The following LIN28B variants were observed in gnomAD, a reference collection of about 807,000 sequenced individuals.
The protein encoded by LIN28B is lin-28 RNA binding posttranscriptional regulator B.
In LIN28B, 5 loss-of-function variants were observed where a neutral mutation model predicts 21.9. That is an observed-to-expected ratio of 0.23 (90% CI 0.12 to 0.48). The LOEUF is 0.48. LIN28B is among the 20% of genes least tolerant of loss of function. The pLI is 0.98. For synonymous variants in LIN28B, 109 were observed against 111.3 expected, an observed-to-expected ratio of 0.98 and a Z score of 0.13; for missense variants, 245 against 310.5, an observed-to-expected ratio of 0.79 and a Z score of 1.58.
intron 2 of LIN28B, among the ~76,000 whole-genome samples, chr6:104,992,930 A>G (rs1770525945): frequency 6.6e-6 from 1 of 152,066 alleles, no homozygotes; most frequent in Non-Finnish European, 1.5e-5. Context: ...ATTTCAGACA[A>G]CTTTGAATTA....
intron 2 of LIN28B, among the ~76,000 whole-genome samples, chr6:105,013,499 A>G (rs191587896): frequency 1.6e-3 from 240 of 151,934 alleles, no homozygotes; most frequent in South Asian, 3.1e-3. Context: ...GCACTTTGGG[A>G]GGTTGAGGCA....
chr6:105,026,135 A>G (rs1771283306), intron 2 of LIN28B, among the ~76,000 whole-genome samples, 163 bp from the exon 3 acceptor site: 1 of 152,188 alleles, frequency 6.6e-6, no homozygotes, highest in African/African-American at 2.4e-5. Context: ...CAGTATTGCA[A>G]AAAGAAACTT....
At chr6:104,965,212 T>C (rs1308303273) in intron 2 of LIN28B, among the ~76,000 whole-genome samples, 4 of 152,238 alleles carry the variant, frequency 2.6e-5, no homozygotes, top group Non-Finnish European at 5.9e-5. Flanking sequence ...TTTTGTGGCA[T>C]TGAATATTGT....
chr6:105,064,482 C>A (rs900273799), intron 3 of LIN28B, among the ~76,000 whole-genome samples: 3 of 152,116 alleles, frequency 2.0e-5, no homozygotes, highest in African/African-American at 7.2e-5. Flanking sequence ...CTCTTAGAAT[C>A]AGAATCAGAT....
chr6:105,082,780 T>C lies in LIN28B; in HGVS notation c.*3997T>C, dbSNP rs1327415554. The C allele has an allele frequency of 6.6e-6, 1 of 152,670 alleles. No homozygotes were observed. Among genetic ancestry groups the C allele is most frequent in the African/African-American group, 2.4e-5 (1 of 41,468 alleles). The allele number at this position is 152,670 out of a possible 1,614,324, so 9.5% of individuals were successfully genotyped here. A position where few individuals can be genotyped will look rare whatever the true frequency, so the allele number is the denominator to read the frequency against. On this transcript the variant is annotated 3_prime_UTR_variant, in exon 4 of 4. Transcript: ENST00000345080. The stretch of plus-strand genomic sequence containing the variant: ...ATATTTGGAACAAAGCTGCAAGTTA[T>C]GGTAAAGTACTGTACTGTGAGAAGT...
chr6:105,000,527 G>C (rs1278349554), intron 2 of LIN28B, among the ~76,000 whole-genome samples: 1 of 152,008 alleles, frequency 6.6e-6, no homozygotes, highest in East Asian at 1.9e-4. Flanking sequence ...ATGCTGGTCT[G>C]GTCAGAACTA....
At chr6:105,020,687 A>G (rs886849556) in intron 2 of LIN28B, among the ~76,000 whole-genome samples, 3 of 150,718 alleles carry the variant, frequency 2.0e-5, no homozygotes, top group Non-Finnish European at 2.9e-5. Flanking sequence ...TTGAATTCTC[A>G]TCATCCACCT....
At chr6:105,016,159 C>CT (rs1445652491) in intron 2 of LIN28B, among the ~76,000 whole-genome samples, 1 of 152,074 alleles carries the variant, frequency 6.6e-6, no homozygotes, top group Non-Finnish European at 1.5e-5. Context: ...ACAAAATACT[C>CT]TATCATAAAA....
intron 2 of LIN28B, among the ~76,000 whole-genome samples, chr6:104,986,948 C>CT (rs1353463442): frequency 1.3e-5 from 2 of 152,166 alleles, no homozygotes; most frequent in Admixed American, 6.5e-5. Flanking sequence ...CCTAACATTT[C>CT]TTTTTTTAAA....
At chr6:105,070,641 C>CACACACACACACA (rs58927769) in intron 3 of LIN28B, among the ~76,000 whole-genome samples, 2 of 149,270 alleles carry the variant, frequency 1.3e-5, no homozygotes, top group Non-Finnish European at 3.0e-5. Context: ...CACACACACA[C>CACACACACACACA]TGGTGGTGTA....
chr6:104,960,455 C>G (rs905541646), intron 2 of LIN28B, among the ~76,000 whole-genome samples: 41 of 151,848 alleles, frequency 2.7e-4, no homozygotes, highest in Non-Finnish European at 5.9e-4. Context: ...GAAAACATAC[C>G]AGGTTTTATG....
intron 2 of LIN28B, among the ~76,000 whole-genome samples, chr6:104,949,586 T>TTTTGTG (rs1169218986): frequency 6.6e-6 from 1 of 152,208 alleles, no homozygotes; most frequent in Non-Finnish European, 1.5e-5. Context: ...TGAGTTGATA[T>TTTTGTG]AGTAGGTCTA....
upstream of LIN28B, chr6:104,956,924 T>G (rs886100251): frequency 1.2e-5 from 5 of 431,564 alleles, no homozygotes; most frequent in East Asian, 2.5e-4. Context: ...ATAACATGTT[T>G]GAGTTTTTCG....
intron 2 of LIN28B, chr6:104,941,358 G>C (rs1444277566): frequency 6.6e-6 from 1 of 151,016 alleles, no homozygotes. Context: ...CTGGGTCGGC[G>C]CCCGGTGTGG....
At chr6:104,965,812 A>C (rs1769844630) in intron 2 of LIN28B, among the ~76,000 whole-genome samples, 1 of 152,240 alleles carries the variant, frequency 6.6e-6, no homozygotes, top group Non-Finnish European at 1.5e-5. Context: ...ACCTGTGTAC[A>C]TATGCATGTG....
chr6:105,069,098 A>C (rs1019521211), intron 3 of LIN28B, among the ~76,000 whole-genome samples: 1 of 151,998 alleles, frequency 6.6e-6, no homozygotes, highest in African/African-American at 2.4e-5. Context: ...CACACCTATA[A>C]TCCCAGCTAC....
At chr6:104,993,702 G>C (rs1317168857) in intron 2 of LIN28B, among the ~76,000 whole-genome samples, 1 of 151,810 alleles carries the variant, frequency 6.6e-6, no homozygotes, top group Non-Finnish European at 1.5e-5. Context: ...AGGTGTGGTG[G>C]CATGCATCTG....
intron 3 of LIN28B, among the ~76,000 whole-genome samples, chr6:105,043,341 C>CAAAAAAAAAAAAAAAA (rs57532096): frequency 1.3e-5 from 1 of 75,384 alleles, no homozygotes; most frequent in African/African-American, 7.2e-5. Context: ...GACTCTGTCT[C>CAAAAAAAAAAAAAAAA]AAAAAAAAAA....
intron 3 of LIN28B, among the ~76,000 whole-genome samples, chr6:105,077,268 A>G (rs893487180): frequency 6.6e-6 from 1 of 152,108 alleles, no homozygotes; most frequent in Admixed American, 6.5e-5. Flanking sequence ...TGCTTCATAA[A>G]TGAGATTTAT....
Sources: allele counts gnomAD v4.1 joint callset (sites outside exome capture counted in the v4.1 genomes callset), GRCh38; gene constraint gnomAD v4.1.1; transcripts MANE v1.5; gene names NCBI Gene and HGNC (gene_info 2026-07-23, HGNC 2026-07-21).